The following CXorf65 variants were observed in gnomAD, a reference collection of about 807,000 sequenced individuals.
The protein encoded by CXorf65 is uncharacterized protein CXorf65.
For missense variants in CXorf65, 137 were observed against 144.7 expected (o/e 0.95, Z 0.27); for synonymous variants, 54 against 51.4 (o/e 1.05, Z -0.21).
Position 71,106,361 on chromosome X carries a change from T to C in CXorf65, c.91A>G (p.Lys31Glu), listed in dbSNP as rs2092249027. ...TCACTTGTTTTAGGCAACTTTACTTTACTGCGGATGTAATACAGCAACACG... is the reference window on the plus strand; with the variant it reads ...TCACTTGTTTTAGGCAACTTTACTTCACTGCGGATGTAATACAGCAACACG... Reference protein sequence around the residue: ...VVVLLYYIRSKVKLPKTNTID... With the variant: ...VVVLLYYIRSEVKLPKTNTID... The change falls in exon 2 of 6, where the codon AAA (lysine) becomes GAA (glutamate). Residue 31 changes from lysine (K) to glutamate (E), a missense_variant. Physicochemically the swap from Lys to Glu is moderately conservative, Grantham distance 56. Coordinates refer to ENST00000374251, the MANE Select transcript of CXorf65 (RefSeq NM_001025265.3). 8.3e-7 allele frequency: 1 copy of C among 1,209,985 alleles called. No homozygotes were observed. Among genetic ancestry groups the C allele is most frequent in the Non-Finnish European group, 1.1e-6 (1 of 894,007 alleles).
At position 71,104,299 on chromosome X, in the gene CXorf65, G is replaced by A. The variant is rs779298082; in HGVS notation, c.425C>T (p.Pro142Leu). The stretch of plus-strand genomic sequence containing the variant: ...CAGATCACATTTGGCAAGTCTTACC[G>A]GGACACTCGCAGGGGGTTCAATTAT... Reference protein sequence around the residue: ...VVIIEPPASVPSKQSGRSDKK... With the variant: ...VVIIEPPASVLSKQSGRSDKK... Residue 142 changes from proline (P) to leucine (L), a missense_variant and splice_region_variant, in exon 5 of 6, where the codon CCG becomes CTG. Pro to Leu is a moderately conservative substitution (Grantham distance 98, BLOSUM62 -3). Transcript: ENST00000374251. 2.5e-5 allele frequency: 30 copies of A among 1,193,930 alleles called. No individual in the cohort carries two copies. The East Asian group carries it at 5.9e-4, about 24-fold the overall frequency.
rs367915040 is a variant in CXorf65 at position 71,106,324 on chromosome X, T to C, written c.112+16A>G. The C allele has an allele frequency of 5.1e-6, 6 of 1,185,735 alleles. No homozygotes were observed. Among genetic ancestry groups the C allele is most frequent in the Non-Finnish European group, 6.9e-6 (6 of 871,945 alleles). On this transcript the variant is annotated intron_variant, in intron 2 of 5. Coordinates refer to ENST00000374251, the MANE Select transcript of CXorf65 (RefSeq NM_001025265.3). Reference sequence around the variant, plus strand: ...TTCTGACCTTTGGCCATTAGTCCCCTCCCTAAGCTCCTCACTTGTTTTAGG... The same window carrying C: ...TTCTGACCTTTGGCCATTAGTCCCCCCCCTAAGCTCCTCACTTGTTTTAGG...
chrX:71,106,398 G>A lies in CXorf65; in HGVS notation c.54C>T (p.Asn18=), dbSNP rs1442013729. 8.3e-7 allele frequency: 1 copy of A among 1,210,637 alleles called. No homozygotes were observed. The highest frequency in any genetic ancestry group is 1.1e-6 in the Non-Finnish European group (1 of 894,531). The change falls in exon 2 of 6, where the codon AAC becomes AAT. Residue 18 remains asparagine (N), a synonymous_variant. Transcript: ENST00000374251. ...AATACAGCAACACGACGACAGCACAGTTGGTATTGACCAGAAACTGCTGAT... is the reference window on the plus strand; with the variant it reads ...AATACAGCAACACGACGACAGCACAATTGGTATTGACCAGAAACTGCTGAT... ...GDNQQFLVNT[N]CAVVVLLYYI... is the part of the protein sequence containing the mutation.
At position 71,103,894 on chromosome X, in the gene CXorf65, G is replaced by T; in HGVS notation, c.*93C>A. The stretch of plus-strand genomic sequence containing the variant: ...TCAGAGCCTCCTAGGTGCCTGGGGC[G>T]TATGTACTCAAGCCTTAGTGCAGAT... On this transcript the variant is annotated 3_prime_UTR_variant, in exon 6 of 6. Coordinates refer to ENST00000374251, the MANE Select transcript of CXorf65 (RefSeq NM_001025265.3). 1 of 993,565 alleles carries T rather than the reference G, an allele frequency of 1.0e-6. No individual in the cohort carries two copies. Among genetic ancestry groups the T allele is most frequent in the Non-Finnish European group, 1.4e-6 (1 of 706,383 alleles). The allele number at this position is 993,565 out of a possible 1,213,427, so 81.9% of individuals were successfully genotyped here.
At chrX:71,105,705 A>C (rs760220113) in intron 3 of CXorf65, among the ~76,000 whole-genome samples, 39 of 111,083 alleles carry the variant, frequency 3.5e-4, no homozygotes, top group Admixed American at 1.6e-3. Context: ...GAGATGGTCA[A>C]TTTGGATCTG....
Position 71,106,685 on chromosome X carries a change from T to C in CXorf65, c.-129A>G. 2.5e-6 allele frequency: 3 copies of C among 1,179,035 alleles called. No homozygotes were observed. Among genetic ancestry groups the C allele is most frequent in the Non-Finnish European group, 3.4e-6 (3 of 880,747 alleles). On this transcript the variant is annotated 5_prime_UTR_variant, in exon 1 of 6. An upstream start codon of the reference 5' UTR is lost. Coordinates refer to ENST00000374251, the MANE Select transcript of CXorf65 (RefSeq NM_001025265.3). ...GGACTAGAGAGGCAGATGGATTTCA[T>C]AGGCTGAGGATGCCCAGGCTGGACA...
At position 71,104,539 on chromosome X, in the gene CXorf65, A is replaced by G. The variant is rs2092241568; in HGVS notation, c.320-135T>C. The G allele has an allele frequency of 5.9e-6, 3 of 505,486 alleles. No homozygotes were observed. The Admixed American group carries it at 1.2e-4, about 20-fold the overall frequency. The allele number at this position is 505,486 out of a possible 1,213,427, so 41.7% of individuals were successfully genotyped here. On this transcript the variant is annotated intron_variant, in intron 4 of 5. Transcript: ENST00000374251. ...TGGAAATGATGGAATGGTGACAGGG[A>G]GATATACGGAGAAGATGGCCAAGAA...
At chrX:71,106,456 C>A (rs1399651584) in intron 1 of CXorf65, 30 bp from the exon 2 acceptor site, 2 of 1,194,903 alleles carry the variant, frequency 1.7e-6, no homozygotes, top group African/African-American at 3.5e-5. Flanking sequence ...GACACATGGG[C>A]CCATTTCTGT....
At chrX:71,104,498 C>T in intron 4 of CXorf65, 94 bp from the exon 5 acceptor site, 1 of 610,187 alleles carries the variant, frequency 1.6e-6, no homozygotes. Flanking sequence ...CAGCTGGAGC[C>T]CCACTTGGCC....
chrX:71,104,700 C>A, intron 4 of CXorf65, 69 bp downstream of exon 4: 1 of 1,036,963 alleles, frequency 9.6e-7, no homozygotes, highest in Non-Finnish European at 1.4e-6. Context: ...TAGTCCCACC[C>A]TACATTCTCC....
rs150353837 is a variant in CXorf65, at chrX:71,105,971, A to G, written c.250+29T>C. 1,569 of 1,195,424 alleles carry G rather than the reference A, an allele frequency of 1.3e-3. 14 individuals carry two copies. In the African/African-American group the frequency reaches 0.025, roughly 19 times the overall value. ...TAATCTATCTTGAAGGCCTTATTCTATTTCTGGGGAACACTCCTGAGCCTC... is the reference window on the plus strand; with the variant it reads ...TAATCTATCTTGAAGGCCTTATTCTGTTTCTGGGGAACACTCCTGAGCCTC... On this transcript the variant is annotated intron_variant, in intron 3 of 5. Transcript: ENST00000374251.
Position 71,104,387 on chromosome X carries a change from A to G in CXorf65, c.337T>C (p.Cys113Arg). The G allele has an allele frequency of 8.3e-7, 1 of 1,198,437 alleles. No homozygotes were observed. Among genetic ancestry groups the G allele is most frequent in the Non-Finnish European group, 1.1e-6 (1 of 886,049 alleles). ...ATTCGTCTCCTCTCCAGGGCATCACATTGTATGCGCAGTGCAACTAAGAAC... is the reference window on the plus strand; with the variant it reads ...ATTCGTCTCCTCTCCAGGGCATCACGTTGTATGCGCAGTGCAACTAAGAAC... ...PWLLVALRIQ[C>R]DALERRRIQM... The change falls in exon 5 of 6, where the codon TGT becomes CGT. Residue 113 changes from cysteine to arginine, a missense_variant. By Grantham distance (180) the Cys-to-Arg change is radical (BLOSUM62 -3). Transcript: ENST00000374251.
At position 71,104,025 on chromosome X, in the gene CXorf65, C is replaced by A. The variant is rs759108774; in HGVS notation, c.514G>T (p.Gly172Cys). The change falls in exon 6 of 6, where the codon GGT (glycine) becomes TGT (cysteine). Residue 172 changes from glycine to cysteine, a missense_variant. Physicochemically the swap from Gly to Cys is radical, Grantham distance 159 (BLOSUM62 -3). Coordinates refer to ENST00000374251, the MANE Select transcript of CXorf65 (RefSeq NM_001025265.3). The part of the protein sequence containing the change: ...RNRPDFRKNK[G>C]RQLNKTTKQK... Reference sequence around the variant, plus strand: ...TTGGTGGTTTTATTGAGTTGGCGACCTTTATTCTTCCTGAAGTCTGGTCTG... The same window carrying A: ...TTGGTGGTTTTATTGAGTTGGCGACATTTATTCTTCCTGAAGTCTGGTCTG... 8 of 1,209,419 alleles carry A rather than the reference C, an allele frequency of 6.6e-6. No individual in the cohort carries two copies. The highest frequency in any genetic ancestry group is 7.8e-6 in the Non-Finnish European group (7 of 893,996).
chrX:71,105,925 T>C, intron 3 of CXorf65, 75 bp downstream of exon 3: 6 of 1,092,894 alleles, frequency 5.5e-6, no homozygotes, highest in Non-Finnish European at 5.0e-6. Context: ...CTTGGATGCC[T>C]TGTTTTAAAG....
chrX:71,104,506 G>A (rs1171870674), intron 4 of CXorf65, 102 bp from the exon 5 acceptor site: 2 of 589,850 alleles, frequency 3.4e-6, no homozygotes, highest in Non-Finnish European at 5.2e-6. Flanking sequence ...GCCCCACTTG[G>A]CCTAAGATGG....
rs368373317 is a variant in CXorf65, at chrX:71,106,438, T to C, written c.26-12A>G. On this transcript the variant is annotated splice_polypyrimidine_tract_variant and intron_variant, in intron 1 of 5. Coordinates refer to ENST00000374251, the MANE Select transcript of CXorf65 (RefSeq NM_001025265.3). ...AAACTGCTGATTATCTGAGAAGAGA[T>C]AGGATGGGACACATGGGCCCATTTC... 7 of 1,199,837 alleles carry C rather than the reference T, an allele frequency of 5.8e-6. No individual in the cohort carries two copies. Among genetic ancestry groups the C allele is most frequent in the African/African-American group, 5.3e-5 (3 of 56,851 alleles).
rs1434530060 is a variant in CXorf65, at chrX:71,104,365, C to T, written c.359G>A (p.Arg120Gln). Reference protein sequence around the residue: ...RIQCDALERRRIQMLKMKEAK... With the variant: ...RIQCDALERRQIQMLKMKEAK... The stretch of plus-strand genomic sequence containing the variant: ...TTCTTTCATTTTAAGCATCTGAATT[C>T]GTCTCCTCTCCAGGGCATCACATTG... The change falls in exon 5 of 6, where the codon CGA becomes CAA. Residue 120 changes from arginine to glutamine, a missense_variant. Arg to Gln is a conservative substitution (Grantham distance 43). Coordinates refer to ENST00000374251, the MANE Select transcript of CXorf65 (RefSeq NM_001025265.3). The T allele has an allele frequency of 3.3e-6, 4 of 1,207,109 alleles. No homozygotes were observed. Among genetic ancestry groups the T allele is most frequent in the South Asian group, 3.5e-5 (2 of 56,474 alleles).
chrX:71,106,507 A>T, intron 1 of CXorf65, 25 bp downstream of exon 1: 1 of 1,208,425 alleles, frequency 8.3e-7, no homozygotes, highest in Non-Finnish European at 1.1e-6. Context: ...CCATCCACAG[A>T]CTCTAGTTCT....
At position 71,106,740 on chromosome X, in the gene CXorf65, T is replaced by C. The variant is rs1345738960; in HGVS notation, c.-184A>G. 2.8e-6 allele frequency: 3 copies of C among 1,077,074 alleles called. No homozygotes were observed. The highest frequency in any genetic ancestry group is 2.4e-6 in the Non-Finnish European group (2 of 821,367). The allele number at this position is 1,077,074 out of a possible 1,213,427, so 88.8% of individuals were successfully genotyped here. A position where few individuals can be genotyped will look rare whatever the true frequency, so the allele number is the denominator to read the frequency against. On this transcript the variant is annotated 5_prime_UTR_variant, in exon 1 of 6. Transcript: ENST00000374251. Reference sequence around the variant, plus strand: ...GGAGAGAGCTGTTGATAGTTGTGGATAACCAGTATCCCCAGGGGTGGGGCC... The same window carrying C: ...GGAGAGAGCTGTTGATAGTTGTGGACAACCAGTATCCCCAGGGGTGGGGCC...
Sources: allele counts gnomAD v4.1 joint callset (sites outside exome capture counted in the v4.1 genomes callset), GRCh38; gene constraint gnomAD v4.1.1; transcripts MANE v1.5; gene names NCBI Gene and HGNC (gene_info 2026-07-23, HGNC 2026-07-21).